MGAT5: variants seen among roughly 807,000 people sequenced by gnomAD.
The protein encoded by MGAT5 is alpha-1,6-mannosylglycoprotein 6-beta-N-acetylglucosaminyltransferase.
MGAT5 carries 30 observed loss-of-function variants against 94.3 expected under a neutral mutation model. That is an observed-to-expected ratio of 0.32 (90% CI 0.24 to 0.43). The LOEUF is 0.43. Among genes scored for constraint, MGAT5 ranks in the 20% least tolerant of loss-of-function variants. MGAT5 has a pLI of 1.00. For synonymous variants in MGAT5, 310 were observed against 322.9 expected, an observed-to-expected ratio of 0.96 and a Z score of 0.43; for missense variants, 691 against 905.5, an observed-to-expected ratio of 0.76 and a Z score of 3.04.
chr2:134,162,364 A>T lies in MGAT5; in HGVS notation c.-143+42073A>T, dbSNP rs1383309268. ...ACTTCCCTTAAAGAATATGACCAGA[A>T]GGAGATGGCAGTGAGGCAAGCAAGG... On this transcript the variant is annotated intron_variant, in intron 1 of 16. Transcript: ENST00000409645. 3.9e-5 allele frequency among the ~76,000 whole-genome samples: 6 copies of T among 152,312 alleles called. No individual in the cohort carries two copies. In the South Asian group the frequency reaches 1.2e-3, roughly 32 times the overall value.
intron 1 of MGAT5, among the ~76,000 whole-genome samples, chr2:134,221,714 G>T (rs887605115): frequency 1.3e-5 from 2 of 152,176 alleles, no homozygotes; most frequent in Admixed American, 1.3e-4. Context: ...AGAGTGGAAA[G>T]TTAAGTCACT....
At chr2:134,349,018 G>A (rs1679185787) in intron 8 of MGAT5, among the ~76,000 whole-genome samples, 1 of 152,154 alleles carries the variant, frequency 6.6e-6, no homozygotes, top group Admixed American at 6.6e-5. Context: ...ACAACAGGGT[G>A]TGGCTGCATT....
At chr2:134,160,994 A>G (rs1687706563) in intron 1 of MGAT5, among the ~76,000 whole-genome samples, 1 of 152,244 alleles carries the variant, frequency 6.6e-6, no homozygotes, top group African/African-American at 2.4e-5. Context: ...TTTAGCAGAG[A>G]ACATCTGTGA....
chr2:134,343,929 G>A (rs1359887127), intron 7 of MGAT5, among the ~76,000 whole-genome samples: 1 of 152,036 alleles, frequency 6.6e-6, no homozygotes, highest in Non-Finnish European at 1.5e-5. Flanking sequence ...TTAACAGAAA[G>A]GGTTTTCTGA....
chr2:134,395,299 C>T (rs1682642615), intron 10 of MGAT5, among the ~76,000 whole-genome samples: 1 of 152,168 alleles, frequency 6.6e-6, no homozygotes, highest in Non-Finnish European at 1.5e-5. Context: ...CTGGTGGTTC[C>T]CCAGGGTCCT....
At chr2:134,175,660 C>T (rs754529868) in intron 1 of MGAT5, among the ~76,000 whole-genome samples, 7 of 152,212 alleles carry the variant, frequency 4.6e-5, no homozygotes, top group Non-Finnish European at 7.3e-5. Context: ...TCCCACTTGG[C>T]GGAGCTGATG....
At chr2:134,343,834 T>C (rs1573868116) in intron 7 of MGAT5, among the ~76,000 whole-genome samples, 1 of 152,196 alleles carries the variant, frequency 6.6e-6, no homozygotes, top group South Asian at 2.1e-4. Context: ...CATATATAGC[T>C]GTCTTCATTC....
intron 1 of MGAT5, among the ~76,000 whole-genome samples, chr2:134,207,211 G>A (rs1188118265): frequency 6.6e-6 from 1 of 152,060 alleles, no homozygotes; most frequent in Non-Finnish European, 1.5e-5. Context: ...CGCATTTAAG[G>A]ACGCTGTGAT....
At chr2:134,192,076 G>A (rs1168415872) in intron 1 of MGAT5, among the ~76,000 whole-genome samples, 1 of 148,070 alleles carries the variant, frequency 6.8e-6, no homozygotes, top group Admixed American at 6.7e-5. Context: ...GCGCGAGCGG[G>A]TTCCTGATGG....
chr2:134,432,167 C>A (rs995285690), intron 14 of MGAT5, among the ~76,000 whole-genome samples: 1 of 152,152 alleles, frequency 6.6e-6, no homozygotes, highest in Admixed American at 6.5e-5. Context: ...GAGAGTATAG[C>A]AGGACTTTTT....
intron 1 of MGAT5, among the ~76,000 whole-genome samples, chr2:134,131,373 G>A (rs1282708116): frequency 6.6e-6 from 1 of 152,188 alleles, no homozygotes; most frequent in Non-Finnish European, 1.5e-5. Flanking sequence ...GGGTCACACA[G>A]CCAGAACTGG....
intron 11 of MGAT5, among the ~76,000 whole-genome samples, chr2:134,407,224 G>A (rs961310055): frequency 6.6e-6 from 1 of 152,140 alleles, no homozygotes; most frequent in East Asian, 1.9e-4. Flanking sequence ...TAGCCCAAGA[G>A]CTTGCTTCCT....
At chr2:134,281,517 C>T (rs1684695394) in intron 2 of MGAT5, among the ~76,000 whole-genome samples, 1 of 152,166 alleles carries the variant, frequency 6.6e-6, no homozygotes, top group Non-Finnish European at 1.5e-5. Flanking sequence ...ATTGGCTTTG[C>T]CTGACCTTTT....
chr2:134,288,456 A>C (rs1162927756), intron 2 of MGAT5, among the ~76,000 whole-genome samples: 5 of 151,964 alleles, frequency 3.3e-5, no homozygotes, highest in African/African-American at 4.8e-5. Flanking sequence ...TCAGAAATTG[A>C]GTAGTTGATA....
chr2:134,359,701 G>C (rs1679961987), intron 9 of MGAT5, among the ~76,000 whole-genome samples: 1 of 152,100 alleles, frequency 6.6e-6, no homozygotes, highest in Non-Finnish European at 1.5e-5. Flanking sequence ...TCCTAAGGCA[G>C]AGCAAAAAAG....
intron 4 of MGAT5, among the ~76,000 whole-genome samples, chr2:134,319,241 C>T (rs1452623564): frequency 1.3e-5 from 2 of 152,122 alleles, no homozygotes; most frequent in Non-Finnish European, 2.9e-5. Context: ...ATTGCCATAC[C>T]ATTTTGTAAA....
intron 1 of MGAT5, among the ~76,000 whole-genome samples, chr2:134,222,526 A>G (rs910479639): frequency 2.0e-5 from 3 of 152,302 alleles, no homozygotes; most frequent in Non-Finnish European, 2.9e-5. Flanking sequence ...CCATAGGTAT[A>G]GTATCCTGAG....
chr2:134,345,168 T>C, intron 8 of MGAT5, 104 bp downstream of exon 8: 1 of 1,209,140 alleles, frequency 8.3e-7, no homozygotes, highest in East Asian at 2.4e-5. Context: ...TCTTTTCAGC[T>C]GTATGGAGTG....
chr2:134,137,810 A>G (rs1686482232), intron 1 of MGAT5, among the ~76,000 whole-genome samples: 1 of 151,102 alleles, frequency 6.6e-6, no homozygotes, highest in African/African-American at 2.4e-5. Context: ...ACATTACATT[A>G]TATTCTTACT....
Sources: allele counts gnomAD v4.1 joint callset (sites outside exome capture counted in the v4.1 genomes callset), GRCh38; gene constraint gnomAD v4.1.1; transcripts MANE v1.5; gene names NCBI Gene and HGNC (gene_info 2026-07-23, HGNC 2026-07-21).